Variants in SLC33A1 observed in about 807,000 individuals in gnomAD.
SLC33A1 encodes solute carrier family 33 member 1.
A neutral mutation model predicts 50.0 loss-of-function variants in SLC33A1; 20 were observed. The observed-to-expected ratio is 0.40, with a 90% confidence interval of 0.28 to 0.58. SLC33A1 has a LOEUF of 0.58. SLC33A1 is among the 20% of genes least tolerant of loss of function. The pLI is 0.44. For missense variants in SLC33A1, 476 were observed against 657.0 expected (o/e 0.72, Z 3.01); for synonymous variants, 265 against 251.8 (o/e 1.05, Z -0.50).
chr3:155,827,962 A>C lies in SLC33A1; in HGVS notation c.*248T>G. The C allele has an allele frequency of 4.7e-6, 2 of 426,556 alleles. No individual in the cohort carries two copies. Among genetic ancestry groups the C allele is most frequent in the Non-Finnish European group, 4.3e-6 (1 of 234,950 alleles). 26.4% of individuals were successfully genotyped at this position (426,556 alleles called of 1,614,324 possible). On this transcript the variant is annotated 3_prime_UTR_variant, in exon 6 of 6. Coordinates refer to ENST00000643144, the MANE Select transcript of SLC33A1 (RefSeq NM_004733.4). ...AGTAAATTTAAAAGATATACATCAA[A>C]TAACAAGGCCAGAAAAGTTGTTTTA... is the stretch of plus-strand genomic sequence containing the variant.
At chr3:155,849,251 C>T (rs7638685) in intron 1 of SLC33A1, among the ~76,000 whole-genome samples, 62,481 of 151,974 alleles carry the variant, frequency 0.41, 15,368 homozygotes, top group African/African-American at 0.69. Context: ...AAAACAATTA[C>T]GCTTCCTTTT....
At chr3:155,834,713 A>G (rs553324884) in intron 2 of SLC33A1, among the ~76,000 whole-genome samples, 1 of 152,336 alleles carries the variant, frequency 6.6e-6, no homozygotes, top group Admixed American at 6.5e-5. Context: ...CAAAGCAATT[A>G]AAGTTAAAAA....
rs140834439 is a variant in SLC33A1, at chr3:155,843,822, T to C, written c.776-1203A>G. On this transcript the variant is annotated intron_variant, in intron 1 of 5. Coordinates refer to ENST00000643144, the MANE Select transcript of SLC33A1 (RefSeq NM_004733.4). ...TATAAGTACAACTAATTTCAAAACT[T>C]GTATCTCATTAACCACCCTGAGAAT... 6.6e-3 allele frequency among the ~76,000 whole-genome samples: 1,004 copies of C among 152,274 alleles called. 16 individuals carry two copies. The highest frequency in any genetic ancestry group is 0.023 in the African/African-American group (949 of 41,538).
At chr3:155,835,704 G>T (rs1021396977) in intron 2 of SLC33A1, among the ~76,000 whole-genome samples, 13 of 152,132 alleles carry the variant, frequency 8.5e-5, no homozygotes, top group African/African-American at 2.2e-4. Flanking sequence ...TATAAATGGT[G>T]CACCTGGACC....
At position 155,853,169 on chromosome 3, in the gene SLC33A1, C is replaced by T. The variant is rs185490958; in HGVS notation, c.775+54G>A. 490 of 1,478,574 alleles carry T rather than the reference C, an allele frequency of 3.3e-4. 1 individual carries two copies. In the African/African-American group the frequency reaches 6.0e-3, roughly 18 times the overall value. The allele number at this position is 1,478,574 out of a possible 1,614,324, so 91.6% of individuals were successfully genotyped here. On this transcript the variant is annotated intron_variant, in intron 1 of 5. Coordinates refer to ENST00000643144, the MANE Select transcript of SLC33A1 (RefSeq NM_004733.4). ...TAATGAGCTTCCCTCCAACGTCACA[C>T]ACTCTTTCAAAAGGATAAATAAACC... is the stretch of plus-strand genomic sequence containing the variant.
rs1048411892 is a variant in SLC33A1 at position 155,854,207 on chromosome 3, C to T, written c.-210G>A. On this transcript the variant is annotated 5_prime_UTR_variant, in exon 1 of 6. Coordinates refer to ENST00000643144, the MANE Select transcript of SLC33A1 (RefSeq NM_004733.4). The stretch of plus-strand genomic sequence containing the variant: ...CTCTGGCTAGAGGCCCAGAGGATGC[C>T]TGGATAGGTGCCCCCTGGAACGGCG... The T allele has an allele frequency of 2.3e-6, 1 of 435,914 alleles. No individual in the cohort carries two copies. Among genetic ancestry groups the T allele is most frequent in the African/African-American group, 2.0e-5 (1 of 50,238 alleles). The allele number at this position is 435,914 out of a possible 1,614,324, so 27.0% of individuals were successfully genotyped here.
intron 1 of SLC33A1, among the ~76,000 whole-genome samples, chr3:155,849,004 C>T (rs1286785697): frequency 8.6e-5 from 13 of 150,804 alleles, no homozygotes; most frequent in Admixed American, 7.9e-4. Context: ...CCTCCACCTC[C>T]CCAGTTCAAG....
chr3:155,821,214 C>T lies in SLC33A1; in HGVS notation c.*6996G>A, dbSNP rs1752079343. 2.6e-5 allele frequency: 4 copies of T among 152,284 alleles called. No individual in the cohort carries two copies. Among genetic ancestry groups the T allele is most frequent in the East Asian group, 1.9e-4 (1 of 5,186 alleles). The allele number at this position is 152,284 out of a possible 1,614,324, so 9.4% of individuals were successfully genotyped here. The stretch of plus-strand genomic sequence containing the variant: ...GTTCAGATATACTCAAAACACACCA[C>T]ACAAAACTATCAAGGCTAATGCTAG... On this transcript the variant is annotated 3_prime_UTR_variant, in exon 6 of 6. Transcript: ENST00000643144.
chr3:155,851,711 C>A (rs1296918922), intron 1 of SLC33A1, among the ~76,000 whole-genome samples: 1 of 152,116 alleles, frequency 6.6e-6, no homozygotes, highest in African/African-American at 2.4e-5. Context: ...AGCCACTGTG[C>A]CCGGCCAGCA....
At chr3:155,852,294 A>C (rs1753430816) in intron 1 of SLC33A1, among the ~76,000 whole-genome samples, 1 of 151,646 alleles carries the variant, frequency 6.6e-6, no homozygotes, top group Non-Finnish European at 1.5e-5. Context: ...AGCCCCCCCG[A>C]CCCCCAACTA....
At position 155,827,856 on chromosome 3, in the gene SLC33A1, G is replaced by A; in HGVS notation, c.*354C>T. 4.9e-6 allele frequency: 1 copy of A among 203,958 alleles called. No homozygotes were observed. The highest frequency in any genetic ancestry group is 8.7e-5 in the South Asian group (1 of 11,542). 12.6% of individuals were successfully genotyped at this position (203,958 alleles called of 1,614,324 possible). A position where few individuals can be genotyped will look rare whatever the true frequency, so the allele number is the denominator to read the frequency against. The stretch of plus-strand genomic sequence containing the variant: ...CCAAAATTTTAAATACAGCTCAGCA[G>A]TGATAGGTACTAATAACAATACCTG... On this transcript the variant is annotated 3_prime_UTR_variant, in exon 6 of 6. Transcript: ENST00000643144.
chr3:155,828,669 G>A (rs1236335172), intron 5 of SLC33A1, among the ~76,000 whole-genome samples: 3 of 151,892 alleles, frequency 2.0e-5, no homozygotes, highest in East Asian at 3.9e-4. Flanking sequence ...GGCTCACTGC[G>A]GTCTCTGGCT....
chr3:155,828,106 G>T lies in SLC33A1; in HGVS notation c.*104C>A. The T allele has an allele frequency of 7.7e-5, 58 of 754,300 alleles. No individual in the cohort carries two copies. The highest frequency in any genetic ancestry group is 2.4e-4 in the Middle Eastern group (1 of 4,140). The allele number at this position is 754,300 out of a possible 1,614,324, so 46.7% of individuals were successfully genotyped here. ...TTTGGCATTTTATATTATTAATTTC[G>T]CTGTTTAAAATAATATTTTATACTC... On this transcript the variant is annotated 3_prime_UTR_variant, in exon 6 of 6. Transcript: ENST00000643144.
At position 155,853,893 on chromosome 3, in the gene SLC33A1, C is replaced by CG; in HGVS notation, c.104_105insC (p.Trp35CysfsTer3). 6.4e-7 allele frequency: 1 copy of CG among 1,550,432 alleles called. No homozygotes were observed. Among genetic ancestry groups the CG allele is most frequent in the South Asian group, 1.2e-5 (1 of 80,328 alleles). On this transcript the variant is annotated frameshift_variant, in exon 1 of 6. Coordinates refer to ENST00000643144, the MANE Select transcript of SLC33A1 (RefSeq NM_004733.4). LOFTEE classifies it high-confidence loss of function. Reference sequence around the variant, plus strand: ...CCGCTGAGTCCAAATGACTGTCATCCCAACCGCCTGGCGGCAGGGGACCGC... The same window carrying CG: ...CCGCTGAGTCCAAATGACTGTCATCCGCAACCGCCTGGCGGCAGGGGACCGC...
At chr3:155,831,457 CAAA>C (rs397991448) in intron 4 of SLC33A1, among the ~76,000 whole-genome samples, 442 of 46,520 alleles carry the variant, frequency 9.5e-3, no homozygotes, top group African/African-American at 0.024. Context: ...GACTCTGTCT[CAAA>C]AAAAAAAAAA....
Position 155,833,859 on chromosome 3 carries a change from G to A in SLC33A1, c.1146C>T (p.Tyr382=). ...GTAAGGTTTTATTTCATTTTTACCT[G>A]TAGGGCATGGCTTTGTAAAATGTGT... The part of the protein sequence containing the change: ...PLNTFYKAMP[Y]RLLLGLEYAL... Residue 382 remains tyrosine (Y), a splice_region_variant and synonymous_variant, in exon 3 of 6, where the codon TAC becomes TAT. Coordinates refer to ENST00000643144, the MANE Select transcript of SLC33A1 (RefSeq NM_004733.4). 1 of 1,611,132 alleles carries A rather than the reference G, an allele frequency of 6.2e-7. No individual in the cohort carries two copies.
In SLC33A1 at chr3:155,838,977, ACT is replaced by A. The variant is rs542124729; in HGVS notation, c.963+3453_963+3454del. On this transcript the variant is annotated intron_variant, in intron 2 of 5. Coordinates refer to ENST00000643144, the MANE Select transcript of SLC33A1 (RefSeq NM_004733.4). The stretch of plus-strand genomic sequence containing the variant: ...AGACCAGCCTGGCCAACATGGTGAA[ACT>A]CTGTCTCTACTAAAAATACAAAAAT... Among the ~76,000 whole-genome samples, 394 of 151,748 alleles carry A rather than the reference ACT, an allele frequency of 2.6e-3. 3 individuals carry two copies. The highest frequency in any genetic ancestry group is 8.8e-3 in the African/African-American group (365 of 41,388).
Position 155,838,107 on chromosome 3 carries a change from T to G in SLC33A1, c.964-4066A>C, listed in dbSNP as rs972006215. On this transcript the variant is annotated intron_variant, in intron 2 of 5. Coordinates refer to ENST00000643144, the MANE Select transcript of SLC33A1 (RefSeq NM_004733.4). ...TCACCTGAGGTCGGGAGTTCGAGAC[T>G]AGCCTGACAAACATGGAGAAACCCT... Among the ~76,000 whole-genome samples, 3 of 151,572 alleles carry G rather than the reference T, an allele frequency of 2.0e-5. No homozygotes were observed. The South Asian group carries it at 6.3e-4, about 32-fold the overall frequency.
chr3:155,834,090 T>A (rs1560013979), intron 2 of SLC33A1, 49 bp from the exon 3 acceptor site: 2 of 1,491,686 alleles, frequency 1.3e-6, no homozygotes, highest in African/African-American at 2.8e-5. Flanking sequence ...TTATGAAATA[T>A]TTTCCTCCAT....
Sources: gnomAD v4.1 joint callset for allele counts (sites outside exome capture counted in the v4.1 genomes callset) on GRCh38, gnomAD v4.1.1 for gene constraint, MANE v1.5 for transcripts, NCBI Gene and HGNC (gene_info 2026-07-23, HGNC 2026-07-21) for gene names.